GRK3: variants seen among roughly 807,000 people sequenced by gnomAD.
The protein encoded by GRK3 is G protein-coupled receptor kinase 3.
GRK3 carries 54 observed loss-of-function variants against 95.7 expected under a neutral mutation model. That is an observed-to-expected ratio of 0.56 (90% CI 0.45 to 0.71). The LOEUF is 0.71. GRK3 is among the 30% of genes least tolerant of loss of function. The pLI is 0.00. For synonymous variants in GRK3, 281 were observed against 290.8 expected (o/e 0.97, Z 0.34); for missense variants, 649 against 851.2 (o/e 0.76, Z 2.96).
At chr22:25,687,297 A>G (rs2085123579) in intron 10 of GRK3, among the ~76,000 whole-genome samples, 1 of 152,082 alleles carries the variant, frequency 6.6e-6, no homozygotes, top group Non-Finnish European at 1.5e-5. Context: ...TCAGCCTGAG[A>G]ATGGTGGCTT....
rs2085466119 is a variant in GRK3, at chr22:25,725,491, T to C, written c.*3041T>C. ...CATTCTCTTTGGTTCATTCATCCCC[T>C]CATGTCATGGGGGCTCATTGGTTTT... On this transcript the variant is annotated 3_prime_UTR_variant, in exon 21 of 21. Transcript: ENST00000324198. 2 of 398,440 alleles carry C rather than the reference T, an allele frequency of 5.0e-6. No individual in the cohort carries two copies. Among genetic ancestry groups the C allele is most frequent in the Non-Finnish European group, 8.8e-6 (2 of 226,030 alleles). 24.7% of individuals were successfully genotyped at this position (398,440 alleles called of 1,614,324 possible). A position where few individuals can be genotyped will look rare whatever the true frequency, so the allele number is the denominator to read the frequency against.
chr22:25,667,903 A>C lies in GRK3; in HGVS notation c.503+103A>C, dbSNP rs3730105. ...TTAAAATGTGTGTTAATCATTTAGC[A>C]AGTATTCACTGACCATGTACGATGT... On this transcript the variant is annotated intron_variant, in intron 6 of 20. Coordinates refer to ENST00000324198, the MANE Select transcript of GRK3 (RefSeq NM_005160.4). 433 of 678,490 alleles carry C rather than the reference A, an allele frequency of 6.4e-4. 3 individuals are homozygous for C. The African/African-American group carries it at 7.1e-3, about 11-fold the overall frequency. The allele number at this position is 678,490 out of a possible 1,614,324, so 42.0% of individuals were successfully genotyped here.
intron 1 of GRK3, among the ~76,000 whole-genome samples, chr22:25,584,080 A>G (rs1158599663): frequency 4.0e-4 from 60 of 151,772 alleles, no homozygotes; most frequent in Non-Finnish European, 6.5e-4. Context: ...GAAGTAGGGA[A>G]GTGGGAGTAA....
At chr22:25,589,343 G>T (rs1282656381) in intron 1 of GRK3, among the ~76,000 whole-genome samples, 1 of 152,132 alleles carries the variant, frequency 6.6e-6, no homozygotes, top group Non-Finnish European at 1.5e-5. Flanking sequence ...TTCTTGGCCC[G>T]TAGGGAGCAG....
chr22:25,667,300 A>T lies in GRK3; in HGVS notation c.442-439A>T, dbSNP rs150166160. On this transcript the variant is annotated intron_variant, in intron 5 of 20. Transcript: ENST00000324198. ...AGATTACAGATGCTTTTATTAGCTTACAAGTTGTGCCACATAACTTGTGGG... is the reference window on the plus strand; with the variant it reads ...AGATTACAGATGCTTTTATTAGCTTTCAAGTTGTGCCACATAACTTGTGGG... Among the ~76,000 whole-genome samples, 345 of 152,372 alleles carry T rather than the reference A, an allele frequency of 2.3e-3. 2 individuals carry two copies. The highest frequency in any genetic ancestry group is 7.8e-3 in the African/African-American group (323 of 41,576).
chr22:25,613,716 C>G (rs2084515817), intron 2 of GRK3, among the ~76,000 whole-genome samples: 1 of 152,140 alleles, frequency 6.6e-6, no homozygotes, highest in African/African-American at 2.4e-5. Flanking sequence ...GACTTCATCA[C>G]CTGTGTTGGA....
At chr22:25,650,908 A>T (rs758538180) in intron 3 of GRK3, among the ~76,000 whole-genome samples, 12 of 152,140 alleles carry the variant, frequency 7.9e-5, no homozygotes, top group Non-Finnish European at 1.5e-4. Flanking sequence ...AAGTCTACTT[A>T]ATGGTGGTCA....
chr22:25,652,652 T>C (rs1193367534), intron 3 of GRK3, among the ~76,000 whole-genome samples: 7 of 152,188 alleles, frequency 4.6e-5, no homozygotes, highest in African/African-American at 1.7e-4. Flanking sequence ...GGGATGTTTA[T>C]TTTAATTTCT....
intron 13 of GRK3, among the ~76,000 whole-genome samples, chr22:25,698,820 C>G (rs1304475780): frequency 6.6e-6 from 1 of 152,164 alleles, no homozygotes; most frequent in Non-Finnish European, 1.5e-5. Flanking sequence ...GTTTGCGCAG[C>G]AGCCCTGGAA....
chr22:25,700,863 C>A (rs778844795), intron 13 of GRK3, among the ~76,000 whole-genome samples: 26 of 152,202 alleles, frequency 1.7e-4, no homozygotes, highest in African/African-American at 2.4e-5. Context: ...GGATTACAGG[C>A]GTGACCCACC....
chr22:25,650,360 T>C (rs2084821315), intron 3 of GRK3, among the ~76,000 whole-genome samples: 1 of 152,182 alleles, frequency 6.6e-6, no homozygotes, highest in Non-Finnish European at 1.5e-5. Flanking sequence ...GAAACTGTAC[T>C]ATCCAATCCA....
intron 19 of GRK3, among the ~76,000 whole-genome samples, chr22:25,718,925 A>G (rs1339012181): frequency 6.6e-6 from 1 of 152,192 alleles, no homozygotes; most frequent in Non-Finnish European, 1.5e-5. Flanking sequence ...AAAAACTAAT[A>G]CAGAAAAAAA....
intron 1 of GRK3, among the ~76,000 whole-genome samples, chr22:25,585,751 C>T (rs537104934): frequency 0.036 from 5,419 of 152,254 alleles, 49 homozygotes; most frequent in African/African-American, 0.082. Context: ...AAAGCGTTTT[C>T]AGCCAAAACG....
chr22:25,697,139 C>G (rs1409848959), intron 13 of GRK3, among the ~76,000 whole-genome samples: 3 of 152,320 alleles, frequency 2.0e-5, no homozygotes, highest in African/African-American at 7.2e-5. Flanking sequence ...TAAAAATCAG[C>G]AGTAAAATCT....
At chr22:25,695,835 A>AT (rs1191151827) in intron 13 of GRK3, among the ~76,000 whole-genome samples, 2,073 of 133,538 alleles carry the variant, frequency 0.016, 29 homozygotes, top group Middle Eastern at 0.04. Context: ...CACCCGGCTA[A>AT]TTTTTTTTTT....
At position 25,667,845 on chromosome 22, in the gene GRK3, C is replaced by T. The variant is rs758615763; in HGVS notation, c.503+45C>T. The T allele has an allele frequency of 2.7e-5, 30 of 1,115,070 alleles. 1 individual carries two copies. The South Asian group carries it at 3.5e-4, about 13-fold the overall frequency. The allele number at this position is 1,115,070 out of a possible 1,614,324, so 69.1% of individuals were successfully genotyped here. A position where few individuals can be genotyped will look rare whatever the true frequency, so the allele number is the denominator to read the frequency against. ...TATATACACAATTTTTTATCATGTA[C>T]GTGTACCTCATCTTATGCCGTAAAT... On this transcript the variant is annotated intron_variant, in intron 6 of 20. Transcript: ENST00000324198.
At chr22:25,645,001 A>G (rs1255509612) in intron 3 of GRK3, among the ~76,000 whole-genome samples, 1 of 152,196 alleles carries the variant, frequency 6.6e-6, no homozygotes, top group African/African-American at 2.4e-5. Flanking sequence ...AGATGTGAGC[A>G]GAGGCAGAGG....
intron 1 of GRK3, among the ~76,000 whole-genome samples, chr22:25,587,882 TC>T (rs1157854064): frequency 6.6e-6 from 1 of 152,200 alleles, no homozygotes; most frequent in Non-Finnish European, 1.5e-5. Context: ...TTGTGAGGCC[TC>T]CCCAGCCACA....
At chr22:25,705,358 A>C (rs1452733448) in intron 15 of GRK3, among the ~76,000 whole-genome samples, 2 of 152,050 alleles carry the variant, frequency 1.3e-5, no homozygotes, top group Admixed American at 6.6e-5. Context: ...CCTATCTTTC[A>C]TTGACTTCTG....
Sources: allele counts gnomAD v4.1 joint callset (sites outside exome capture counted in the v4.1 genomes callset), GRCh38; gene constraint gnomAD v4.1.1; transcripts MANE v1.5; gene names NCBI Gene and HGNC (gene_info 2026-07-23, HGNC 2026-07-21).